TMEM161B: variants seen among roughly 807,000 people sequenced by gnomAD.
TMEM161B encodes the protein transmembrane protein 161B.
In TMEM161B, 34 loss-of-function variants were observed where a neutral mutation model predicts 61.8. That is an observed-to-expected ratio of 0.55 (90% CI 0.42 to 0.73). TMEM161B has a LOEUF of 0.73. Ranked by LOEUF, TMEM161B falls within the 30% of genes least tolerant of loss-of-function variation. TMEM161B has a pLI of 0.00. For synonymous variants in TMEM161B, 167 were observed against 192.8 expected (o/e 0.87, Z 1.11); for missense variants, 456 against 558.5 (o/e 0.82, Z 1.85).
intron 1 of TMEM161B, among the ~76,000 whole-genome samples, chr5:88,249,029 G>A (rs1261514125): frequency 6.6e-6 from 1 of 152,076 alleles, no homozygotes; most frequent in Non-Finnish European, 1.5e-5. Flanking sequence ...AATGGCAAAA[G>A]TAGCACAAAG....
At chr5:88,265,689 A>G (rs768456753) in intron 1 of TMEM161B, among the ~76,000 whole-genome samples, 1 of 151,956 alleles carries the variant, frequency 6.6e-6, no homozygotes, top group Non-Finnish European at 1.5e-5. Flanking sequence ...AGCCTATTAT[A>G]TGTGTTTCTC....
intron 4 of TMEM161B, among the ~76,000 whole-genome samples, chr5:88,224,849 AAC>A (rs1428215517): frequency 1.3e-5 from 2 of 152,142 alleles, no homozygotes; most frequent in African/African-American, 4.8e-5. Context: ...ACTTCCACTT[AAC>A]AGGAAATATA....
downstream of TMEM161B, among the ~76,000 whole-genome samples, chr5:88,194,135 T>C (rs1475983914): frequency 6.6e-6 from 1 of 152,078 alleles, no homozygotes; most frequent in African/African-American, 2.4e-5. Context: ...GTTTCAACCC[T>C]CATTTCCTTC....
chr5:88,229,653 ATT>A (rs1750651065), intron 2 of TMEM161B, among the ~76,000 whole-genome samples: 1 of 149,770 alleles, frequency 6.7e-6, no homozygotes, highest in Non-Finnish European at 1.5e-5. Context: ...AGGCCCTATT[ATT>A]ACAAAGGAAA....
chr5:88,213,434 C>G (rs1007414979), intron 5 of TMEM161B, among the ~76,000 whole-genome samples: 1 of 151,984 alleles, frequency 6.6e-6, no homozygotes, highest in Non-Finnish European at 1.5e-5. Context: ...AAGCAAAAAA[C>G]TATCGTGCCT....
chr5:88,190,934 T>C (rs1312925573), downstream of TMEM161B, among the ~76,000 whole-genome samples: 1 of 152,224 alleles, frequency 6.6e-6, no homozygotes, highest in Non-Finnish European at 1.5e-5. Flanking sequence ...CATTCACACT[T>C]TCATGATACT....
At chr5:88,241,123 A>G (rs1230042322) in intron 1 of TMEM161B, among the ~76,000 whole-genome samples, 1 of 151,890 alleles carries the variant, frequency 6.6e-6, no homozygotes, top group Admixed American at 6.6e-5. Flanking sequence ...AAATAATACA[A>G]TTAAAAATAT....
intron 10 of TMEM161B, chr5:88,198,440 A>G (rs977470205): frequency 6.6e-6 from 1 of 152,034 alleles, no homozygotes; most frequent in African/African-American, 2.4e-5. Context: ...AAAAAATAAA[A>G]TAACAATAAT....
rs1313257846 is a variant in TMEM161B, at chr5:88,195,823, C to G, written c.*388G>C. 1.0e-6 allele frequency: 1 copy of G among 997,612 alleles called. No homozygotes were observed. Among genetic ancestry groups the G allele is most frequent in the African/African-American group, 1.7e-5 (1 of 57,312 alleles). 61.8% of individuals were successfully genotyped at this position (997,612 alleles called of 1,614,324 possible). A position where few individuals can be genotyped will look rare whatever the true frequency, so the allele number is the denominator to read the frequency against. ...CTCAGTTTGAAGATTGTTCTATAGG[C>G]AGCCACTATGACTATCAACAGTACC... is the stretch of plus-strand genomic sequence containing the variant. On this transcript the variant is annotated 3_prime_UTR_variant, in exon 12 of 12. Transcript: ENST00000296595.
intron 2 of TMEM161B, 52 bp downstream of exon 2, chr5:88,240,761 G>T: frequency 7.5e-7 from 1 of 1,325,600 alleles, no homozygotes; most frequent in Non-Finnish European, 1.1e-6. Flanking sequence ...TAATCAGTTT[G>T]GTAAACTAGA....
At chr5:88,259,908 C>G (rs917790209) in intron 1 of TMEM161B, among the ~76,000 whole-genome samples, 1 of 152,040 alleles carries the variant, frequency 6.6e-6, no homozygotes, top group Admixed American at 6.5e-5. Flanking sequence ...TCAAGACAAA[C>G]AAAAGACTGG....
At chr5:88,209,351 A>T (rs542432878) in intron 5 of TMEM161B, among the ~76,000 whole-genome samples, 1 of 152,304 alleles carries the variant, frequency 6.6e-6, no homozygotes, top group South Asian at 2.1e-4. Context: ...TGTTTACTAG[A>T]ATCTATAAGG....
At chr5:88,230,423 T>C (rs895025527) in intron 2 of TMEM161B, among the ~76,000 whole-genome samples, 31 of 152,148 alleles carry the variant, frequency 2.0e-4, no homozygotes, top group African/African-American at 6.8e-4. Flanking sequence ...GAATTCATAA[T>C]TCTATCTACT....
At position 88,196,354 on chromosome 5, in the gene TMEM161B, C is replaced by G; in HGVS notation, c.1321G>C (p.Val441Leu). The G allele has an allele frequency of 6.2e-7, 1 of 1,613,370 alleles. No individual in the cohort carries two copies. Residue 441 changes from valine (V) to leucine (L), a missense_variant, in exon 12 of 12, where the codon GTG (valine) becomes CTG (leucine). By Grantham distance (32) the Val-to-Leu change is conservative (BLOSUM62 1). Transcript: ENST00000296595. ...ATATTTTTTAAGCTGCTCAGTGCCA[C>G]TGTTATTTGTGTAACAGTTACCTTC... ...KMKVTVTQIT[V>L]ALSSLKNIFT...
chr5:88,237,061 A>G (rs987304439), intron 2 of TMEM161B, among the ~76,000 whole-genome samples: 1 of 152,140 alleles, frequency 6.6e-6, no homozygotes, highest in Non-Finnish European at 1.5e-5. Flanking sequence ...GACTTTCAGG[A>G]TAAGAGGTCT....
chr5:88,251,610 TG>T (rs34566266), intron 1 of TMEM161B, among the ~76,000 whole-genome samples: 146,069 of 152,224 alleles, frequency 0.96, 70,132 homozygotes, highest in East Asian at 1. Context: ...AGAAGCAAGA[TG>T]GGAGTCAACT....
chr5:88,188,314 C>T (rs1412803362), downstream of TMEM161B, among the ~76,000 whole-genome samples: 3 of 150,972 alleles, frequency 2.0e-5, no homozygotes, highest in Non-Finnish European at 4.4e-5. Flanking sequence ...CAGGGTTTCA[C>T]CATGTTGGCC....
intron 3 of TMEM161B, among the ~76,000 whole-genome samples, chr5:88,227,390 T>C (rs1750234289): frequency 6.6e-6 from 1 of 152,176 alleles, no homozygotes; most frequent in African/African-American, 2.4e-5. Context: ...AATTAAATTA[T>C]TAGCTAACAC....
chr5:88,240,727 T>A, intron 2 of TMEM161B, 86 bp downstream of exon 2: 1 of 1,085,920 alleles, frequency 9.2e-7, no homozygotes, highest in South Asian at 1.3e-5. Flanking sequence ...TTTGTTAAAG[T>A]TTTAGAAACA....
Sources: gnomAD v4.1 joint callset for allele counts (sites outside exome capture counted in the v4.1 genomes callset) on GRCh38, gnomAD v4.1.1 for gene constraint, MANE v1.5 for transcripts, NCBI Gene and HGNC (gene_info 2026-07-23, HGNC 2026-07-21) for gene names.